The following GRID1 variants were observed in gnomAD, a reference collection of about 807,000 sequenced individuals.
GRID1 encodes glutamate receptor ionotropic, delta-1.
GRID1 carries 28 observed loss-of-function variants against 98.0 expected under a neutral mutation model. The ratio of observed to expected loss-of-function variants is 0.29; its 90% confidence interval spans 0.21 to 0.39. The LOEUF is 0.39. Ranked by LOEUF, GRID1 falls within the 10% of genes least tolerant of loss-of-function variation. The pLI is 1.00. For missense variants in GRID1, 1,111 were observed against 1,340.5 expected (o/e 0.83, Z 2.67); for synonymous variants, 553 against 538.5 (o/e 1.03, Z -0.37).
intron 6 of GRID1, among the ~76,000 whole-genome samples, chr10:85,865,959 AGAG>A (rs1843215952): frequency 1.6e-4 from 1 of 6,432 alleles, no homozygotes; most frequent in East Asian, 5.3e-3. Flanking sequence ...ATATATGGAG[AGAG>A]AGAGAGAGAG....
At chr10:86,006,056 G>A (rs1842856644) in intron 4 of GRID1, among the ~76,000 whole-genome samples, 1 of 152,128 alleles carries the variant, frequency 6.6e-6, no homozygotes, top group African/African-American at 2.4e-5. Flanking sequence ...GAGTGAAGAG[G>A]TTTGTTTTAT....
chr10:86,335,082 C>G (rs572408596), intron 2 of GRID1, among the ~76,000 whole-genome samples: 1 of 152,380 alleles, frequency 6.6e-6, no homozygotes, highest in South Asian at 2.1e-4. Context: ...GGGGAAATCA[C>G]TCCTTGCCTT....
chr10:86,333,491 A>G (rs1848178332), intron 2 of GRID1, among the ~76,000 whole-genome samples: 2 of 152,270 alleles, frequency 1.3e-5, no homozygotes, highest in African/African-American at 4.8e-5. Context: ...CCTGCCTTGC[A>G]GCAAGCTGTG....
chr10:86,256,138 A>G (rs956058277), intron 2 of GRID1, among the ~76,000 whole-genome samples: 1 of 152,190 alleles, frequency 6.6e-6, no homozygotes, highest in African/African-American at 2.4e-5. Context: ...AGCCCTGGAC[A>G]GAAGGGTGAC....
At chr10:86,016,734 C>T (rs113552196) in intron 4 of GRID1, among the ~76,000 whole-genome samples, 3 of 152,304 alleles carry the variant, frequency 2.0e-5, no homozygotes, top group African/African-American at 7.2e-5. Context: ...ACCACAATTG[C>T]TCTCTCAGAT....
rs747030971 is a variant in GRID1, at chr10:85,723,077, C to A, written c.1923G>T (p.Thr641=). ...CTGTGTAGGAGGAGCACACAATGAG[C>A]GTGAAGAGCCACCAGCTGCCCATCA... ...RIVMGSWWLF[T]LIVCSSYTAN... The change falls in exon 12 of 16, where the codon ACG becomes ACT. Residue 641 remains threonine, a synonymous_variant. Transcript: ENST00000327946. The A allele has an allele frequency of 2.5e-6, 4 of 1,612,174 alleles. No individual in the cohort carries two copies. The African/African-American group carries it at 5.3e-5, about 22-fold the overall frequency.
chr10:86,196,888 A>T (rs1459586399), intron 3 of GRID1, among the ~76,000 whole-genome samples: 1 of 151,644 alleles, frequency 6.6e-6, no homozygotes, highest in Admixed American at 6.5e-5. Context: ...TAATTGGTAA[A>T]CTCAAGGAAA....
Position 86,358,876 on chromosome 10 carries a change from G to T in GRID1, c.235+5065C>A, listed in dbSNP as rs116732677. On this transcript the variant is annotated intron_variant, in intron 2 of 15. Transcript: ENST00000327946. Reference sequence around the variant, plus strand: ...GAAGAGTCAGAGAAGGAGATGTGATGACAGAAGCCAGGTCAGCATGAGAGG... The same window carrying T: ...GAAGAGTCAGAGAAGGAGATGTGATTACAGAAGCCAGGTCAGCATGAGAGG... 5.6e-3 allele frequency among the ~76,000 whole-genome samples: 848 copies of T among 151,932 alleles called. 6 individuals are homozygous for T. Among genetic ancestry groups the T allele is most frequent in the African/African-American group, 0.019 (803 of 41,420 alleles).
At chr10:85,797,238 TAATTTCAAC>T in intron 8 of GRID1, among the ~76,000 whole-genome samples, 1 of 152,236 alleles carries the variant, frequency 6.6e-6, no homozygotes, top group Admixed American at 6.5e-5. Context: ...CCTTTTTTTT[TAATTTCAAC>T]TTTTATTTTT....
chr10:85,938,150 T>C (rs953027852), intron 4 of GRID1, among the ~76,000 whole-genome samples: 1 of 152,200 alleles, frequency 6.6e-6, no homozygotes, highest in Non-Finnish European at 1.5e-5. Flanking sequence ...CCAAAGATCT[T>C]GCCAGGGGGA....
At chr10:85,919,491 C>G (rs906524512) in intron 4 of GRID1, among the ~76,000 whole-genome samples, 1 of 152,172 alleles carries the variant, frequency 6.6e-6, no homozygotes, top group Non-Finnish European at 1.5e-5. Context: ...TTAGCAGGAA[C>G]ACTGCCTGCC....
chr10:85,916,839 C>T lies in GRID1; in HGVS notation c.727-600G>A, dbSNP rs1841628445. On this transcript the variant is annotated intron_variant, in intron 4 of 15. Coordinates refer to ENST00000327946, the MANE Select transcript of GRID1 (RefSeq NM_017551.3). The surrounding 1 kb of genome is among the most constrained non-coding windows in gnomAD (Gnocchi z 4.0). ...CTTTATGGCACTTGCCATCTTTGTG[C>T]TTGAATGGCTATCAGTTTACTTATT... Among the ~76,000 whole-genome samples, 1 of 152,188 alleles carries T rather than the reference C, an allele frequency of 6.6e-6. No individual in the cohort carries two copies. Among genetic ancestry groups the T allele is most frequent in the Non-Finnish European group, 1.5e-5 (1 of 68,032 alleles).
chr10:86,225,045 G>A (rs897017602), intron 2 of GRID1, among the ~76,000 whole-genome samples: 2 of 152,208 alleles, frequency 1.3e-5, no homozygotes, highest in African/African-American at 4.8e-5. Context: ...ATTAGATCAA[G>A]CCCAGGTGCA....
At position 86,206,275 on chromosome 10, in the gene GRID1, C is replaced by G. The variant is rs999758219; in HGVS notation, c.520+89G>C. The G allele has an allele frequency of 1.5e-6, 2 of 1,313,814 alleles. No homozygotes were observed. The highest frequency in any genetic ancestry group is 2.1e-6 in the Non-Finnish European group (2 of 955,300). 81.4% of individuals were successfully genotyped at this position (1,313,814 alleles called of 1,614,324 possible). A position where few individuals can be genotyped will look rare whatever the true frequency, so the allele number is the denominator to read the frequency against. On this transcript the variant is annotated intron_variant, in intron 3 of 15. Coordinates refer to ENST00000327946, the MANE Select transcript of GRID1 (RefSeq NM_017551.3). The surrounding 1 kb of genome is among the most constrained non-coding windows in gnomAD (Gnocchi z 4.1). ...CCACTCAGCACAGACCACCCCTGACCGGTCCAGGGCCCCACCCACTCTCAG... is the reference window on the plus strand; with the variant it reads ...CCACTCAGCACAGACCACCCCTGACGGGTCCAGGGCCCCACCCACTCTCAG...
intron 2 of GRID1, among the ~76,000 whole-genome samples, chr10:86,288,584 T>C (rs1847467902): frequency 6.6e-6 from 1 of 152,182 alleles, no homozygotes; most frequent in Admixed American, 6.5e-5. Flanking sequence ...ACAGCCGTGC[T>C]TGCCTCTCGG....
chr10:86,065,513 A>T (rs949651924), intron 4 of GRID1, among the ~76,000 whole-genome samples: 1 of 152,018 alleles, frequency 6.6e-6, no homozygotes, highest in Non-Finnish European at 1.5e-5. Context: ...TGTTGCATGC[A>T]CTCCCCTGCC....
chr10:85,718,280 GC>G (rs1437000223), intron 12 of GRID1, among the ~76,000 whole-genome samples: 1 of 152,188 alleles, frequency 6.6e-6, no homozygotes, highest in Non-Finnish European at 1.5e-5. Flanking sequence ...GCAAACTTTT[GC>G]CTGGGCATCC....
At chr10:86,218,103 C>G (rs1331951874) in intron 2 of GRID1, among the ~76,000 whole-genome samples, 1 of 152,162 alleles carries the variant, frequency 6.6e-6, no homozygotes, top group Non-Finnish European at 1.5e-5. Flanking sequence ...TTAGCTTTCT[C>G]TGGCTCTCTC....
intron 8 of GRID1, among the ~76,000 whole-genome samples, chr10:85,845,574 A>G (rs1449941846): frequency 6.6e-6 from 1 of 152,202 alleles, no homozygotes; most frequent in African/African-American, 2.4e-5. Context: ...AAGAAAATAC[A>G]AAGAGTCAAG....
Sources: allele counts gnomAD v4.1 joint callset (sites outside exome capture counted in the v4.1 genomes callset), GRCh38; gene constraint gnomAD v4.1.1; non-coding constraint Gnocchi (gnomAD v3.1); transcripts MANE v1.5; gene names NCBI Gene and HGNC (gene_info 2026-07-23, HGNC 2026-07-21).